MYO9A: variants seen among roughly 807,000 people sequenced by gnomAD.
MYO9A encodes the protein myosin IXA, also known as unconventional myosin-IXa.
Under a neutral mutation model 293.3 loss-of-function variants are expected in MYO9A, and 103 were observed. The ratio of observed to expected loss-of-function variants is 0.35; its 90% CI spans 0.30 to 0.41. The LOEUF (loss-of-function observed/expected upper bound fraction) is 0.41. MYO9A is among the 10% of genes least tolerant of loss of function. The pLI, the probability that MYO9A is intolerant of heterozygous loss-of-function variation, is 1.00. For missense variants in MYO9A, 2,685 were observed against 3,033.0 expected, an observed-to-expected ratio of 0.89 and a Z score of 2.69; for synonymous variants, 1,001 against 1,035.7, an observed-to-expected ratio of 0.97 and a Z score of 0.64.
At chr15:71,830,757 C>G (rs1322600351) in intron 39 of MYO9A, among the ~76,000 whole-genome samples, 1 of 152,188 alleles carries the variant, frequency 6.6e-6, no homozygotes, top group Non-Finnish European at 1.5e-5. Context: ...TTCCTACCAT[C>G]ATAGTAAGTT....
At chr15:71,899,551 C>T (rs932108752) in intron 24 of MYO9A, 136 bp downstream of exon 24, 6 of 713,866 alleles carry the variant, frequency 8.4e-6, no homozygotes, top group African/African-American at 3.6e-5. Context: ...GGGTTAAAAT[C>T]GGTATCACAG....
intron 1 of MYO9A, among the ~76,000 whole-genome samples, chr15:72,084,160 T>G (rs1261992691): frequency 6.6e-6 from 1 of 152,220 alleles, no homozygotes; most frequent in East Asian, 1.9e-4. Flanking sequence ...ACTTGCTTTA[T>G]GAATCTGGGC....
intron 19 of MYO9A, among the ~76,000 whole-genome samples, chr15:71,913,352 T>TGGCCCTTATTG (rs2057916230): frequency 1.3e-5 from 2 of 152,176 alleles, no homozygotes; most frequent in South Asian, 4.1e-4. Context: ...ATAATACAAA[T>TGGCCCTTATTG]GGCCCTTATT....
chr15:71,879,978 T>TA (rs2056823129), intron 29 of MYO9A, 141 bp from the exon 30 acceptor site: 1 of 631,516 alleles, frequency 1.6e-6, no homozygotes, highest in Non-Finnish European at 2.8e-6. Context: ...AGGTGAAAGT[T>TA]ATGACTAGAC....
Position 71,904,024 on chromosome 15 carries a change from T to C in MYO9A, c.2782A>G (p.Ser928Gly), listed in dbSNP as rs772236988. 5 of 1,613,760 alleles carry C rather than the reference T, an allele frequency of 3.1e-6. No individual in the cohort carries two copies. Among genetic ancestry groups the C allele is most frequent in the Middle Eastern group, 1.6e-4 (1 of 6,062 alleles). Residue 928 changes from serine (S) to glycine (G), a missense_variant, in exon 21 of 42, where the codon AGT becomes GGT. Ser to Gly is a moderately conservative substitution (Grantham distance 56). Coordinates refer to ENST00000356056, the MANE Select transcript of MYO9A (RefSeq NM_006901.4). The stretch of plus-strand genomic sequence containing the variant: ...AGCTGTCTAAGTACCAAGACATCAC[T>C]GAACCTTAAGGGCAGCTAAAGCAAA... ...SNAEKLPLRF[S>G]DVLVLRQLRY...
intron 1 of MYO9A, among the ~76,000 whole-genome samples, chr15:72,047,433 G>A (rs898679785): frequency 6.6e-6 from 1 of 151,604 alleles, no homozygotes; most frequent in Non-Finnish European, 1.5e-5. Context: ...CCATCTTCTC[G>A]AACCTCGTAT....
chr15:71,854,204 A>C (rs1309266774), intron 35 of MYO9A, among the ~76,000 whole-genome samples, 173 bp downstream of exon 35: 1 of 152,192 alleles, frequency 6.6e-6, no homozygotes, highest in African/African-American at 2.4e-5. Context: ...GAGTTGACCA[A>C]ATGAAACCAA....
rs2056941901 is a variant in MYO9A at position 71,883,697 on chromosome 15, T to G, written c.5295A>C (p.Lys1765Asn). ...CTCTGGTAGTCTTCTTCTCCCCTTG[T>G]TTCCCTTTGGCCCAGAATCTCATCT... is the stretch of plus-strand genomic sequence containing the variant. ...RAKMRFWAKG[K>N]QGEKKTTRVK... The change falls in exon 28 of 42, where the codon AAA (lysine) becomes AAC (asparagine). Residue 1765 changes from lysine to asparagine, a missense_variant. Around this residue, in one of 10 missense-constraint regions of MYO9A, gnomAD observed 1,434 missense variants for 1,497.7 expected, o/e 0.96. Transcript: ENST00000356056. The G allele has an allele frequency of 6.2e-7, 1 of 1,613,420 alleles. No homozygotes were observed.
At chr15:72,016,076 A>G (rs1294430943) in intron 6 of MYO9A, among the ~76,000 whole-genome samples, 2 of 152,160 alleles carry the variant, frequency 1.3e-5, no homozygotes, top group African/African-American at 4.8e-5. Flanking sequence ...CTGAGGAAAC[A>G]AAGGCTGAGA....
chr15:71,831,220 C>T (rs1211298591), intron 39 of MYO9A, among the ~76,000 whole-genome samples: 3 of 152,108 alleles, frequency 2.0e-5, no homozygotes, highest in South Asian at 2.1e-4. Flanking sequence ...CAGCAGAGGA[C>T]GGCAAACTAT....
chr15:72,052,104 G>T (rs1409681346), intron 1 of MYO9A, among the ~76,000 whole-genome samples: 4 of 152,152 alleles, frequency 2.6e-5, no homozygotes, highest in African/African-American at 7.2e-5. Flanking sequence ...CAGAGAAAAG[G>T]TGCCCACCCC....
chr15:71,876,026 T>C (rs1210268777), intron 31 of MYO9A, among the ~76,000 whole-genome samples, 188 bp from the exon 32 acceptor site: 3 of 152,188 alleles, frequency 2.0e-5, no homozygotes, highest in Non-Finnish European at 4.4e-5. Context: ...TAAAACATAA[T>C]TGCCAATGAC....
intron 2 of MYO9A, among the ~76,000 whole-genome samples, chr15:72,035,241 CTT>C (rs1444546216): frequency 1.3e-5 from 2 of 152,186 alleles, no homozygotes; most frequent in Non-Finnish European, 2.9e-5. Flanking sequence ...TAAACACACT[CTT>C]AACAATATGA....
At position 71,939,900 on chromosome 15, in the gene MYO9A, A is replaced by G. The variant is rs538183754; in HGVS notation, c.2303-973T>C. ...ATAATTTAAAAAAACTGATTCGACT[A>G]ATAAACGAGTTCTGCAAAACTACAA... is the stretch of plus-strand genomic sequence containing the variant. On this transcript the variant is annotated intron_variant, in intron 15 of 41. Transcript: ENST00000356056. Among the ~76,000 whole-genome samples, 5 of 152,328 alleles carry G rather than the reference A, an allele frequency of 3.3e-5. No individual in the cohort carries two copies. The East Asian group carries it at 9.6e-4, about 29-fold the overall frequency.
intron 19 of MYO9A, among the ~76,000 whole-genome samples, chr15:71,916,122 T>C (rs2058005034): frequency 6.6e-6 from 1 of 152,164 alleles, no homozygotes; most frequent in African/African-American, 2.4e-5. Context: ...AATTTTCTGC[T>C]TTCTCCTCAC....
At chr15:71,850,262 T>TAC in intron 37 of MYO9A, 95 bp from the exon 38 acceptor site, 2 of 1,429,896 alleles carry the variant, frequency 1.4e-6, no homozygotes, top group Non-Finnish European at 1.9e-6. Flanking sequence ...AAGAAGACAG[T>TAC]ATGACATGAA....
intron 1 of MYO9A, among the ~76,000 whole-genome samples, chr15:72,079,647 A>G (rs761197122): frequency 7.9e-5 from 12 of 152,198 alleles, no homozygotes; most frequent in Non-Finnish European, 1.6e-4. Context: ...TGGAAAACCA[A>G]CACTACTGTG....
chr15:72,022,528 A>C (rs2077533813), intron 4 of MYO9A, among the ~76,000 whole-genome samples: 2 of 152,038 alleles, frequency 1.3e-5, no homozygotes, highest in African/African-American at 4.8e-5. Context: ...TCAAAAAAAA[A>C]AAAAAATCCA....
Position 71,827,932 on chromosome 15 carries a change from A to C in MYO9A, c.7135T>G (p.Ser2379Ala), listed in dbSNP as rs1595976796. ...SEASIGTADS[S>A]ENLNMESEYA... Reference sequence around the variant, plus strand: ...TCAGACTCCATATTCAAATTCTCTGAGCTATCAGCAGTCCCAATGGAGGCC... The same window carrying C: ...TCAGACTCCATATTCAAATTCTCTGCGCTATCAGCAGTCCCAATGGAGGCC... The change falls in exon 41 of 42, where the codon TCA becomes GCA. Residue 2379 changes from serine to alanine, a missense_variant. Ser to Ala is a moderately conservative substitution (Grantham distance 99). Transcript: ENST00000356056. The C allele has an allele frequency of 6.2e-7, 1 of 1,613,858 alleles. No homozygotes were observed. The highest frequency in any genetic ancestry group is 1.3e-5 in the African/African-American group (1 of 75,020).
Sources: allele counts gnomAD v4.1 joint callset (sites outside exome capture counted in the v4.1 genomes callset), GRCh38; gene constraint gnomAD v4.1.1; regional missense constraint gnomAD v4.1.1; transcripts MANE v1.5; gene names NCBI Gene and HGNC (gene_info 2026-07-23, HGNC 2026-07-21).